Variants in CEP128 observed in about 807,000 individuals in gnomAD.
CEP128 encodes centrosomal protein 128kDa.
A neutral mutation model predicts 156.7 loss-of-function variants in CEP128; 132 were observed. The observed-to-expected ratio is 0.84, with a 90% CI of 0.73 to 0.97. CEP128 has a LOEUF of 0.97. CEP128 is among the 50% of genes least tolerant of loss of function. The pLI is 0.00. For missense variants in CEP128, 1,252 were observed against 1,281.9 expected (o/e 0.98, Z 0.36); for synonymous variants, 469 against 448.9 (o/e 1.04, Z -0.57).
At chr14:80,590,975 C>G (rs1251905506) in intron 19 of CEP128, among the ~76,000 whole-genome samples, 1 of 152,162 alleles carries the variant, frequency 6.6e-6, no homozygotes, top group South Asian at 2.1e-4. Flanking sequence ...TCTGTCACCA[C>G]CGGGCCAGCC....
chr14:80,783,889 T>C (rs1055316374), intron 15 of CEP128, among the ~76,000 whole-genome samples: 1 of 152,158 alleles, frequency 6.6e-6, no homozygotes, highest in Non-Finnish European at 1.5e-5. Context: ...TTAGCCTCCA[T>C]TCTGACCTGC....
At chr14:80,898,511 C>T (rs550342752) in intron 7 of CEP128, among the ~76,000 whole-genome samples, 2 of 152,254 alleles carry the variant, frequency 1.3e-5, no homozygotes, top group South Asian at 4.1e-4. Context: ...ATACTAACAG[C>T]CCAGTCCAAT....
intron 20 of CEP128, among the ~76,000 whole-genome samples, chr14:80,576,641 GTGTGTGTGTGTGTC>G (rs1402522201): frequency 2.1e-5 from 2 of 94,258 alleles, no homozygotes; most frequent in Non-Finnish European, 4.5e-5. Context: ...GTGTGTGTGT[GTGTGTGTGTGTGTC>G]TGTGTCTGTG....
chr14:80,690,351 G>T (rs1896677764), intron 19 of CEP128, among the ~76,000 whole-genome samples: 1 of 151,624 alleles, frequency 6.6e-6, no homozygotes, highest in African/African-American at 2.4e-5. Flanking sequence ...GGAAGACGGA[G>T]GTTGCAGTGA....
intron 19 of CEP128, among the ~76,000 whole-genome samples, chr14:80,630,313 AATC>A (rs1327159714): frequency 6.6e-6 from 1 of 152,022 alleles, no homozygotes; most frequent in East Asian, 1.9e-4. Flanking sequence ...ATTTTTAAGA[AATC>A]ATAAAATTCT....
chr14:80,540,511 G>T (rs550276431), intron 21 of CEP128, among the ~76,000 whole-genome samples: 2 of 152,342 alleles, frequency 1.3e-5, no homozygotes, highest in East Asian at 3.9e-4. Flanking sequence ...GCAGCCAGGT[G>T]AGGCCAAAGA....
At chr14:80,788,180 T>C (rs1412297537) in intron 14 of CEP128, among the ~76,000 whole-genome samples, 1 of 152,088 alleles carries the variant, frequency 6.6e-6, no homozygotes, top group East Asian at 1.9e-4. Flanking sequence ...GTCAGTGTCT[T>C]TACTGTCATC....
chr14:80,555,304 T>C (rs894309971), intron 21 of CEP128, among the ~76,000 whole-genome samples: 3 of 152,078 alleles, frequency 2.0e-5, no homozygotes, highest in Non-Finnish European at 4.4e-5. Flanking sequence ...TGTGCTCTTA[T>C]TGTCTTTCAG....
intron 23 of CEP128, among the ~76,000 whole-genome samples, chr14:80,508,977 CATGGCGGAAGGAG>C (rs1481771721): frequency 6.6e-6 from 1 of 152,126 alleles, no homozygotes; most frequent in African/African-American, 2.4e-5. Flanking sequence ...AACTTACAAT[CATGGCGGAAGGAG>C]AAGGGGAAGT....
At chr14:80,915,515 G>C (rs550195161) in intron 3 of CEP128, among the ~76,000 whole-genome samples, 2 of 152,260 alleles carry the variant, frequency 1.3e-5, no homozygotes, top group Non-Finnish European at 2.9e-5. Flanking sequence ...TTATATTTCT[G>C]AGTTTTCTTT....
At chr14:80,868,433 T>G (rs2139240046) in intron 8 of CEP128, among the ~76,000 whole-genome samples, 1 of 152,252 alleles carries the variant, frequency 6.6e-6, no homozygotes, top group East Asian at 1.9e-4. Context: ...TGTCATCAGC[T>G]TAAAATAGAT....
chr14:80,677,508 CAA>C lies in CEP128; in HGVS notation c.2806+65565_2806+65566del, dbSNP rs57636757. Among the ~76,000 whole-genome samples, 78 of 94,060 alleles carry C rather than the reference CAA, an allele frequency of 8.3e-4. 1 individual carries two copies. The highest frequency in any genetic ancestry group is 4.9e-3 in the East Asian group (11 of 2,252). The allele number at this position is 94,060 out of a possible 152,430, so 61.7% of individuals were successfully genotyped here. A position where few individuals can be genotyped will look rare whatever the true frequency, so the allele number is the denominator to read the frequency against. The stretch of plus-strand genomic sequence containing the variant: ...TGGGCGACACAGCAAGACTCCGTCT[CAA>C]AAAAAAAAAAAAAAAAATTAGAAAA... On this transcript the variant is annotated intron_variant, in intron 19 of 24. Transcript: ENST00000555265.
chr14:80,940,513 A>ATT (rs58675563), intron 1 of CEP128, among the ~76,000 whole-genome samples: 4 of 149,048 alleles, frequency 2.7e-5, no homozygotes, highest in Admixed American at 6.7e-5. Flanking sequence ...GACTTAAAAT[A>ATT]TTTTTTTTTT....
intron 13 of CEP128, among the ~76,000 whole-genome samples, chr14:80,829,239 T>G (rs8008366): frequency 0.065 from 9,909 of 152,082 alleles, 1,077 homozygotes; most frequent in African/African-American, 0.23. Context: ...ATTGTTCAAA[T>G]TAAGAAAATC....
chr14:80,897,781 C>G (rs904458038), intron 7 of CEP128, among the ~76,000 whole-genome samples: 1 of 129,250 alleles, frequency 7.7e-6, no homozygotes, highest in Non-Finnish European at 1.8e-5. Context: ...CTCCTCAAAT[C>G]AATTTTTTTT....
chr14:80,655,908 T>G (rs1319177825), intron 19 of CEP128, among the ~76,000 whole-genome samples: 1 of 152,134 alleles, frequency 6.6e-6, no homozygotes, highest in East Asian at 1.9e-4. Context: ...TTGTTTTGTT[T>G]TTTGTTTTGC....
chr14:80,930,890 A>T (rs1885421027), intron 2 of CEP128, among the ~76,000 whole-genome samples: 3 of 152,338 alleles, frequency 2.0e-5, no homozygotes, highest in South Asian at 2.1e-4. Context: ...GCTGCTAAGG[A>T]CATTTGTCAT....
Position 80,654,722 on chromosome 14 carries a change from C to T in CEP128, c.2807-74299G>A, listed in dbSNP as rs942503987. ...ATTTTCTCTTTTCTTGTTCAAACTC[C>T]TTTTTGCCTTTTTCTCTTTCTACTC... On this transcript the variant is annotated intron_variant, in intron 19 of 24. Transcript: ENST00000555265. Among the ~76,000 whole-genome samples, 66 of 152,018 alleles carry T rather than the reference C, an allele frequency of 4.3e-4. 1 individual carries two copies. Among genetic ancestry groups the T allele is most frequent in the Non-Finnish European group, 7.4e-5 (5 of 68,008 alleles).
At chr14:80,572,061 C>T (rs144972735) in intron 20 of CEP128, among the ~76,000 whole-genome samples, 1 of 152,298 alleles carries the variant, frequency 6.6e-6, no homozygotes, top group African/African-American at 2.4e-5. Context: ...GACTTTTTCC[C>T]TCTCCTTTGA....
Sources: allele counts gnomAD v4.1 joint callset (sites outside exome capture counted in the v4.1 genomes callset), GRCh38; gene constraint gnomAD v4.1.1; transcripts MANE v1.5; gene names NCBI Gene and HGNC (gene_info 2026-07-23, HGNC 2026-07-21).